The following LRP1B variants were observed in gnomAD, a reference collection of about 807,000 sequenced individuals.
The protein encoded by LRP1B is LDL receptor related protein 1B.
In LRP1B, 217 loss-of-function variants were observed where a neutral mutation model predicts 556.6. That is an observed-to-expected ratio of 0.39 (90% CI 0.35 to 0.44). The LOEUF is 0.44. LRP1B is among the 20% of genes least tolerant of loss of function. LRP1B has a pLI of 1.00. For missense variants in LRP1B, 5,053 were observed against 5,620.8 expected, an observed-to-expected ratio of 0.90 and a Z score of 3.23; for synonymous variants, 2,047 against 1,865.8, an observed-to-expected ratio of 1.10 and a Z score of -2.50.
intron 2 of LRP1B, among the ~76,000 whole-genome samples, chr2:141,569,524 G>A (rs1686454781): frequency 6.6e-6 from 1 of 151,172 alleles, no homozygotes; most frequent in South Asian, 2.1e-4. Context: ...TTTTTCAAAA[G>A]TAGGCCAAAA....
chr2:142,072,187 G>C (rs927995702), intron 1 of LRP1B, among the ~76,000 whole-genome samples: 1 of 151,878 alleles, frequency 6.6e-6, no homozygotes, highest in Non-Finnish European at 1.5e-5. Flanking sequence ...ATTCAGGCTT[G>C]TCTCATCCAC....
intron 3 of LRP1B, among the ~76,000 whole-genome samples, chr2:141,392,136 C>A (rs1690072151): frequency 1.3e-5 from 2 of 152,096 alleles, no homozygotes; most frequent in South Asian, 4.1e-4. Context: ...TTACTAATGA[C>A]AGCCCTCTTT....
chr2:140,852,291 C>T (rs957957912), intron 27 of LRP1B, among the ~76,000 whole-genome samples: 1 of 152,166 alleles, frequency 6.6e-6, no homozygotes, highest in Non-Finnish European at 1.5e-5. Flanking sequence ...TGCGCCACCA[C>T]ACTCCAACCT....
At chr2:141,530,548 G>C (rs1466660945) in intron 2 of LRP1B, among the ~76,000 whole-genome samples, 1 of 151,370 alleles carries the variant, frequency 6.6e-6, no homozygotes, top group Non-Finnish European at 1.5e-5. Context: ...CAGTGAATAA[G>C]TCAATGTACC....
chr2:140,579,596 C>A (rs556964860), intron 43 of LRP1B, among the ~76,000 whole-genome samples: 59 of 152,212 alleles, frequency 3.9e-4, no homozygotes, highest in African/African-American at 1.4e-3. Context: ...AATCTCAGCC[C>A]TTTGGGATGC....
At chr2:140,431,229 C>A (rs918145127) in intron 66 of LRP1B, among the ~76,000 whole-genome samples, 2 of 152,160 alleles carry the variant, frequency 1.3e-5, no homozygotes, top group Admixed American at 1.3e-4. Flanking sequence ...TTTAAAAACA[C>A]ACCTCCCCAA....
At chr2:140,619,674 A>G (rs1683384780) in intron 41 of LRP1B, among the ~76,000 whole-genome samples, 1 of 152,228 alleles carries the variant, frequency 6.6e-6, no homozygotes, top group African/African-American at 2.4e-5. Flanking sequence ...AAATGAGATC[A>G]TTTATATGTA....
chr2:141,219,389 G>A (rs1682943028), intron 6 of LRP1B, among the ~76,000 whole-genome samples: 1 of 152,184 alleles, frequency 6.6e-6, no homozygotes, highest in South Asian at 2.1e-4. Context: ...CATTGGGCAG[G>A]GCCTCCCTGC....
At chr2:140,438,548 TA>T (rs1004038725) in intron 66 of LRP1B, among the ~76,000 whole-genome samples, 1 of 152,160 alleles carries the variant, frequency 6.6e-6, no homozygotes, top group Admixed American at 6.5e-5. Context: ...TAAAGGAAAA[TA>T]AAAGAACATG....
chr2:140,917,903 G>T (rs1397117716), intron 21 of LRP1B, among the ~76,000 whole-genome samples: 2 of 152,094 alleles, frequency 1.3e-5, no homozygotes, highest in Non-Finnish European at 2.9e-5. Context: ...TACCACTTTG[G>T]TGCAGTATAT....
chr2:140,657,612 T>C (rs976994571), intron 41 of LRP1B, among the ~76,000 whole-genome samples: 9 of 136,698 alleles, frequency 6.6e-5, no homozygotes, highest in Non-Finnish European at 1.3e-4. Context: ...TACATATATA[T>C]ACATACATAT....
At chr2:141,196,356 A>G (rs939606804) in intron 6 of LRP1B, among the ~76,000 whole-genome samples, 2 of 152,112 alleles carry the variant, frequency 1.3e-5, no homozygotes, top group Non-Finnish European at 2.9e-5. Context: ...TATATAACTT[A>G]ACGACTTTCT....
At chr2:141,843,449 C>A (rs1697544627) in intron 1 of LRP1B, among the ~76,000 whole-genome samples, 1 of 152,136 alleles carries the variant, frequency 6.6e-6, no homozygotes, top group Admixed American at 6.6e-5. Flanking sequence ...CTAATTTCTA[C>A]ATTTTAATTA....
chr2:141,400,613 G>C (rs1170796562), intron 3 of LRP1B, among the ~76,000 whole-genome samples: 1 of 152,100 alleles, frequency 6.6e-6, no homozygotes, highest in African/African-American at 2.4e-5. Flanking sequence ...GATCATTACA[G>C]TAGCGTCAAG....
intron 3 of LRP1B, among the ~76,000 whole-genome samples, chr2:141,424,262 C>A (rs540578406): frequency 6.6e-6 from 1 of 151,954 alleles, no homozygotes; most frequent in East Asian, 1.9e-4. Flanking sequence ...TACAGGCATG[C>A]GCCACCACGC....
intron 2 of LRP1B, among the ~76,000 whole-genome samples, chr2:141,557,152 G>A (rs1274346177): frequency 1.3e-5 from 2 of 151,828 alleles, no homozygotes; most frequent in East Asian, 3.9e-4. Flanking sequence ...ACAGTAGAGA[G>A]GTTTTATTCT....
intron 1 of LRP1B, among the ~76,000 whole-genome samples, chr2:142,117,946 C>G (rs1242476344): frequency 1.1e-4 from 16 of 152,100 alleles, no homozygotes; most frequent in Admixed American, 1.0e-3. Flanking sequence ...TCAAATATGT[C>G]TGAGTGCCAT....
At chr2:140,849,200 C>CAAAAAAAAAAAAAAAAAAAAAAAAAAA (rs70988447) in intron 29 of LRP1B, among the ~76,000 whole-genome samples, 1 of 100,552 alleles carries the variant, frequency 9.9e-6, no homozygotes, top group Non-Finnish European at 1.9e-5. Flanking sequence ...ACTAAAAATA[C>CAAAAAAAAAAAAAAAAAAAAAAAAAAA]AAAAAAAAAA....
Position 141,676,381 on chromosome 2 carries a change from A to T in LRP1B, c.205+133898T>A, listed in dbSNP as rs1420887404. On this transcript the variant is annotated intron_variant, in intron 2 of 90. Transcript: ENST00000389484. ...ATCCTACAATGTCTTGTGGCCTCTAATCAATTCCAAACCCTTGTCCTCTTT... is the reference window on the plus strand; with the variant it reads ...ATCCTACAATGTCTTGTGGCCTCTATTCAATTCCAAACCCTTGTCCTCTTT... 8.5e-5 allele frequency among the ~76,000 whole-genome samples: 13 copies of T among 152,128 alleles called. 1 individual carries two copies. The highest frequency in any genetic ancestry group is 8.5e-4 in the Admixed American group (13 of 15,258).
Sources: gnomAD v4.1 joint callset for allele counts (sites outside exome capture counted in the v4.1 genomes callset) on GRCh38, gnomAD v4.1.1 for gene constraint, MANE v1.5 for transcripts, NCBI Gene and HGNC (gene_info 2026-07-23, HGNC 2026-07-21) for gene names.